The following TMEM178B variants were observed in gnomAD, a reference collection of about 807,000 sequenced individuals.
The protein encoded by TMEM178B is transmembrane protein 178B.
Under a neutral mutation model 31.0 loss-of-function variants are expected in TMEM178B, and 5 were observed. The observed-to-expected ratio is 0.16, with a 90% CI of 0.08 to 0.34. The LOEUF (loss-of-function observed/expected upper bound fraction) is 0.34. TMEM178B is among the 10% of genes least tolerant of loss of function. The probability of loss-of-function intolerance (pLI) is 1.00; values close to 1 mark genes in which losing one functional copy is unlikely to be tolerated. For synonymous variants in TMEM178B, 164 were observed against 164.0 expected (o/e 1.00, Z 0.00); for missense variants, 275 against 400.3 (o/e 0.69, Z 2.67).
intron 1 of TMEM178B, among the ~76,000 whole-genome samples, chr7:141,146,121 G>A (rs954153229): frequency 6.6e-6 from 1 of 152,182 alleles, no homozygotes; most frequent in Non-Finnish European, 1.5e-5. Flanking sequence ...ACTTACAGAT[G>A]AGGAAACTGA....
At chr7:141,200,763 C>A (rs149270704) in intron 1 of TMEM178B, among the ~76,000 whole-genome samples, 2 of 152,088 alleles carry the variant, frequency 1.3e-5, no homozygotes, top group African/African-American at 4.8e-5. Context: ...GAGGAACGTA[C>A]GGAGGCAGAT....
chr7:141,498,180 C>CA, the TMEM178B span, among the ~76,000 whole-genome samples: 8 of 152,192 alleles, frequency 5.3e-5, no homozygotes, highest in Non-Finnish European at 1.0e-4. Context: ...TTTTATTAAT[C>CA]TCATTATGTT....
chr7:141,149,189 A>G (rs1795912322), intron 1 of TMEM178B, among the ~76,000 whole-genome samples: 1 of 152,244 alleles, frequency 6.6e-6, no homozygotes, highest in Non-Finnish European at 1.5e-5. Flanking sequence ...ACTAGATTTC[A>G]GTAGATGTTA....
At chr7:141,266,147 C>T (rs1322184689) in intron 2 of TMEM178B, among the ~76,000 whole-genome samples, 2 of 152,188 alleles carry the variant, frequency 1.3e-5, no homozygotes, top group Non-Finnish European at 2.9e-5. Flanking sequence ...CTCTTAAATG[C>T]CTTAAGAAAA....
chr7:141,094,756 C>T (rs529685392), intron 1 of TMEM178B, among the ~76,000 whole-genome samples: 1 of 152,224 alleles, frequency 6.6e-6, no homozygotes, highest in Admixed American at 6.5e-5. Context: ...ATTTAGGGTG[C>T]TTTGGCTCTG....
At chr7:141,454,173 A>G (rs1329282393) in intron 3 of TMEM178B, among the ~76,000 whole-genome samples, 1 of 152,154 alleles carries the variant, frequency 6.6e-6, no homozygotes, top group Non-Finnish European at 1.5e-5. Flanking sequence ...TTCGATCAAA[A>G]TCACATTTCC....
intron 2 of TMEM178B, among the ~76,000 whole-genome samples, chr7:141,306,490 T>C (rs1199908863): frequency 6.6e-6 from 1 of 152,220 alleles, no homozygotes; most frequent in African/African-American, 2.4e-5. Context: ...TCTTGTGTTA[T>C]GCCTAATTAG....
intron 1 of TMEM178B, among the ~76,000 whole-genome samples, chr7:141,136,595 A>G (rs565244622): frequency 1.6e-4 from 25 of 152,320 alleles, no homozygotes; most frequent in South Asian, 1.2e-3. Flanking sequence ...AACCTGTAGA[A>G]TGGTAGAAAA....
chr7:141,294,273 C>G (rs1340558802), intron 2 of TMEM178B, among the ~76,000 whole-genome samples: 1 of 152,098 alleles, frequency 6.6e-6, no homozygotes, highest in East Asian at 1.9e-4. Context: ...TTTCAGGGCC[C>G]CTTAGTTCCT....
intron 1 of TMEM178B, among the ~76,000 whole-genome samples, chr7:141,155,436 A>G (rs1218602148): frequency 2.0e-5 from 3 of 152,260 alleles, no homozygotes; most frequent in South Asian, 2.1e-4. Context: ...ATAGCACCCC[A>G]TGGTCTAAAT....
intron 1 of TMEM178B, among the ~76,000 whole-genome samples, chr7:141,083,804 C>A (rs1794731196): frequency 6.6e-6 from 1 of 152,016 alleles, no homozygotes; most frequent in Admixed American, 6.5e-5. Flanking sequence ...TACATTTAAA[C>A]ACTCAATAGA....
intron 1 of TMEM178B, among the ~76,000 whole-genome samples, chr7:141,083,636 T>C (rs1794727807): frequency 6.6e-6 from 1 of 152,214 alleles, no homozygotes; most frequent in South Asian, 2.1e-4. Flanking sequence ...AACGAACTTT[T>C]CCTCTTTCAA....
intron 3 of TMEM178B, among the ~76,000 whole-genome samples, chr7:141,442,810 G>A (rs1158934663): frequency 6.6e-6 from 1 of 152,150 alleles, no homozygotes; most frequent in Non-Finnish European, 1.5e-5. Context: ...CGTTTGTGGT[G>A]TTTTCATTTT....
At chr7:141,360,702 G>A (rs1799903840) in intron 2 of TMEM178B, among the ~76,000 whole-genome samples, 1 of 152,172 alleles carries the variant, frequency 6.6e-6, no homozygotes, top group Non-Finnish European at 1.5e-5. Context: ...TCATAAATCA[G>A]ATTTTCTGAT....
intron 1 of TMEM178B, among the ~76,000 whole-genome samples, chr7:141,159,855 T>G (rs1373945050): frequency 1.3e-5 from 2 of 151,864 alleles, no homozygotes; most frequent in Non-Finnish European, 2.9e-5. Flanking sequence ...GAAATTTCAG[T>G]TTGCATAATG....
chr7:141,164,059 G>A lies in TMEM178B; in HGVS notation c.383-48532G>A, dbSNP rs554555623. Among the ~76,000 whole-genome samples, 22 of 152,184 alleles carry A rather than the reference G, an allele frequency of 1.4e-4. No individual in the cohort carries two copies. The East Asian group carries it at 3.7e-3, about 25-fold the overall frequency. On this transcript the variant is annotated intron_variant, in intron 1 of 3. Transcript: ENST00000565468. ...CTGGGTTTTTAGGTTATTAGTGACC[G>A]TAACTACTGAAACCTTATTTTTTTC...
intron 2 of TMEM178B, among the ~76,000 whole-genome samples, chr7:141,302,829 A>G (rs1003023265): frequency 6.6e-6 from 1 of 152,230 alleles, no homozygotes; most frequent in African/African-American, 2.4e-5. Flanking sequence ...ACAGATGCCC[A>G]GCATTACTGC....
intron 2 of TMEM178B, among the ~76,000 whole-genome samples, chr7:141,334,485 A>G (rs1014520415): frequency 6.6e-6 from 1 of 152,180 alleles, no homozygotes; most frequent in African/African-American, 2.4e-5. Context: ...ACTTGCAGTC[A>G]TGTATCTGCA....
chr7:141,470,853 A>C lies in TMEM178B; in HGVS notation c.*67A>C. 3 of 904,494 alleles carry C rather than the reference A, an allele frequency of 3.3e-6. No individual in the cohort carries two copies. Among genetic ancestry groups the C allele is most frequent in the Non-Finnish European group, 4.1e-6 (3 of 730,656 alleles). 56.0% of individuals were successfully genotyped at this position (904,494 alleles called of 1,614,324 possible). ...ATATAATATACATATATAAAACAAA[A>C]CAAAACTAAATCAAGACGATGCCAG... On this transcript the variant is annotated 3_prime_UTR_variant, in exon 4 of 4. Transcript: ENST00000565468.
Sources: allele counts gnomAD v4.1 joint callset (sites outside exome capture counted in the v4.1 genomes callset), GRCh38; gene constraint gnomAD v4.1.1; transcripts MANE v1.5; gene names NCBI Gene and HGNC (gene_info 2026-07-23, HGNC 2026-07-21).